ERC1: variants seen among roughly 807,000 people sequenced by gnomAD.
ERC1 encodes the protein RAB6 interacting protein 2.
In ERC1, 56 loss-of-function variants were observed where a neutral mutation model predicts 132.0. The ratio of observed to expected loss-of-function variants is 0.42; its 90% CI spans 0.34 to 0.53. The LOEUF is 0.53. Ranked by LOEUF, ERC1 falls within the 20% of genes least tolerant of loss-of-function variation. ERC1 has a pLI of 0.03. For missense variants in ERC1, 1,202 were observed against 1,349.9 expected (o/e 0.89, Z 1.72); for synonymous variants, 478 against 476.1 (o/e 1.00, Z -0.05).
At chr12:1,036,419 G>A (rs1969095624) in intron 2 of ERC1, among the ~76,000 whole-genome samples, 1 of 147,942 alleles carries the variant, frequency 6.8e-6, no homozygotes, top group Non-Finnish European at 1.5e-5. Flanking sequence ...TTGTTGCCCA[G>A]CCTGGAGTGC....
intron 18 of ERC1, among the ~76,000 whole-genome samples, chr12:1,468,696 A>C (rs2154426616): frequency 6.6e-6 from 1 of 152,246 alleles, no homozygotes; most frequent in Non-Finnish European, 1.5e-5. Flanking sequence ...GCTCTCAGGG[A>C]TCACTGTTCT....
chr12:1,208,857 A>G (rs977196652), intron 12 of ERC1, among the ~76,000 whole-genome samples: 10 of 151,566 alleles, frequency 6.6e-5, no homozygotes, highest in African/African-American at 2.4e-4. Flanking sequence ...ATCTCAGCTC[A>G]CTGCTTTCAA....
At chr12:1,016,572 G>A (rs929444082) in intron 1 of ERC1, among the ~76,000 whole-genome samples, 2 of 151,598 alleles carry the variant, frequency 1.3e-5, no homozygotes, top group African/African-American at 4.9e-5. Flanking sequence ...GGGGTGAGGC[G>A]AGACTGGGGC....
At chr12:1,097,421 A>G (rs1408131759) in intron 3 of ERC1, among the ~76,000 whole-genome samples, 2 of 152,206 alleles carry the variant, frequency 1.3e-5, no homozygotes, top group African/African-American at 4.8e-5. Context: ...TCTAGGCTAC[A>G]TCAGCTCTAC....
At chr12:1,408,123 T>C in intron 16 of ERC1, 26 bp from the exon 17 acceptor site, 1 of 1,554,158 alleles carries the variant, frequency 6.4e-7, no homozygotes, top group Non-Finnish European at 8.9e-7. Context: ...TACTTAAATT[T>C]AACCTTATGA....
chr12:1,471,379 G>A (rs903519642), intron 18 of ERC1, among the ~76,000 whole-genome samples: 5 of 152,246 alleles, frequency 3.3e-5, no homozygotes, highest in African/African-American at 1.2e-4. Flanking sequence ...GCTTTAGGCA[G>A]GAAGACAGCC....
intron 18 of ERC1, among the ~76,000 whole-genome samples, chr12:1,485,236 G>A (rs183110503): frequency 0.01 from 1,238 of 118,876 alleles, 18 homozygotes; most frequent in African/African-American, 0.037. Context: ...ACAGAGTCTC[G>A]CTCTGTCACC....
rs2076758259 is a variant in ERC1, at chr12:1,255,638, T to G, written c.2488-7396T>G. On this transcript the variant is annotated intron_variant, in intron 13 of 18. Transcript: ENST00000360905. Reference sequence around the variant, plus strand: ...TTCCTGGCCTTTTTTTTTTTTTTTTTTTTTTTTTTTTTGAGACGGAGTCTC... The same window carrying G: ...TTCCTGGCCTTTTTTTTTTTTTTTTGTTTTTTTTTTTTGAGACGGAGTCTC... Among the ~76,000 whole-genome samples, 3 of 134,096 alleles carry G rather than the reference T, an allele frequency of 2.2e-5. No individual in the cohort carries two copies. In the South Asian group the frequency reaches 7.9e-4, roughly 35 times the overall value. 88.0% of individuals were successfully genotyped at this position (134,096 alleles called of 152,430 possible).
chr12:1,103,431 G>A (rs139642099), intron 3 of ERC1, among the ~76,000 whole-genome samples: 2 of 152,270 alleles, frequency 1.3e-5, no homozygotes, highest in Non-Finnish European at 2.9e-5. Flanking sequence ...TGTTTACAAG[G>A]GTCACTTGAA....
chr12:1,214,531 C>G (rs1295366848), intron 12 of ERC1, among the ~76,000 whole-genome samples: 1 of 152,138 alleles, frequency 6.6e-6, no homozygotes, highest in African/African-American at 2.4e-5. Context: ...CTCCACTCCC[C>G]GCCTCCCGGC....
chr12:1,245,441 C>T (rs2076100849), intron 13 of ERC1, among the ~76,000 whole-genome samples: 1 of 152,134 alleles, frequency 6.6e-6, no homozygotes, highest in South Asian at 2.1e-4. Context: ...TATGTAGCAT[C>T]CATTCCTTTA....
chr12:1,411,620 T>C (rs1029281388), intron 17 of ERC1, among the ~76,000 whole-genome samples: 4 of 152,212 alleles, frequency 2.6e-5, no homozygotes, highest in African/African-American at 9.6e-5. Context: ...GCAGTCAATG[T>C]GCTAATTATC....
chr12:1,383,147 T>C (rs1216432153), intron 16 of ERC1, among the ~76,000 whole-genome samples: 1 of 152,212 alleles, frequency 6.6e-6, no homozygotes, highest in East Asian at 1.9e-4. Context: ...AATTAATTTA[T>C]AAATCTTCTG....
chr12:990,467 CTAAA>C (rs549994802), upstream of ERC1: 242 of 152,284 alleles, frequency 1.6e-3, no homozygotes, highest in African/African-American at 5.5e-3. Context: ...CTGTCGGAGG[CTAAA>C]TAAACAGCTC....
intron 12 of ERC1, among the ~76,000 whole-genome samples, chr12:1,213,493 T>C (rs554062409): frequency 6.6e-6 from 1 of 151,956 alleles, no homozygotes; most frequent in South Asian, 2.1e-4. Context: ...TGCCAGCACT[T>C]TGGGAGGTCG....
chr12:1,398,977 A>T (rs1386033949), intron 16 of ERC1, among the ~76,000 whole-genome samples: 1 of 107,754 alleles, frequency 9.3e-6, no homozygotes, highest in Non-Finnish European at 1.7e-5. Flanking sequence ...ACAAGGTCTC[A>T]CTCTGTCAAC....
In ERC1 at chr12:1,067,469, T is replaced by C. The variant is rs1049136106; in HGVS notation, c.670-15695T>C. ...AGTAGCCAGAGAATGCTTCAACATA[T>C]ATTCAAAACTCACCGAAGTAATTTA... On this transcript the variant is annotated intron_variant, in intron 2 of 18. Coordinates refer to ENST00000360905, the MANE Select transcript of ERC1 (RefSeq NM_178040.4). Among the ~76,000 whole-genome samples, 5 of 152,288 alleles carry C rather than the reference T, an allele frequency of 3.3e-5. No individual in the cohort carries two copies. In the South Asian group the frequency reaches 1.0e-3, roughly 32 times the overall value.
intron 7 of ERC1, among the ~76,000 whole-genome samples, chr12:1,138,962 T>C (rs1234129445): frequency 6.6e-6 from 1 of 152,168 alleles, no homozygotes; most frequent in Non-Finnish European, 1.5e-5. Context: ...AGGCCCAGTT[T>C]CCCACATTGC....
At chr12:1,057,378 C>A (rs1973158541) in intron 2 of ERC1, among the ~76,000 whole-genome samples, 1 of 152,064 alleles carries the variant, frequency 6.6e-6, no homozygotes, top group Non-Finnish European at 1.5e-5. Flanking sequence ...TCTTCCTTGG[C>A]CTCCTGGAAA....
Sources: gnomAD v4.1 joint callset for allele counts (sites outside exome capture counted in the v4.1 genomes callset) on GRCh38, gnomAD v4.1.1 for gene constraint, MANE v1.5 for transcripts, NCBI Gene and HGNC (gene_info 2026-07-23, HGNC 2026-07-21) for gene names.